Variants in EYS observed in about 807,000 individuals in gnomAD.
EYS encodes EGF-like photoreceptor maintenance factor.
A neutral mutation model predicts 282.1 loss-of-function variants in EYS; 250 were observed. The observed-to-expected ratio is 0.89, with a 90% confidence interval of 0.80 to 0.98. The LOEUF (loss-of-function observed/expected upper bound fraction) is 0.98. Ranked by LOEUF, EYS falls within the 50% of genes least tolerant of loss-of-function variation. The pLI is 0.00. For synonymous variants in EYS, 1,355 were observed against 1,282.9 expected, an observed-to-expected ratio of 1.06 and a Z score of -1.20; for missense variants, 4,016 against 3,709.0, an observed-to-expected ratio of 1.08 and a Z score of -2.15.
intron 31 of EYS, among the ~76,000 whole-genome samples, chr6:64,168,640 C>A (rs535563713): frequency 6.6e-6 from 1 of 152,104 alleles, no homozygotes. Context: ...TAAAACAAGC[C>A]AGATATGAAA....
At chr6:64,453,149 CAA>C (rs1775422993) in intron 26 of EYS, among the ~76,000 whole-genome samples, 1 of 152,058 alleles carries the variant, frequency 6.6e-6, no homozygotes, top group East Asian at 1.9e-4. Flanking sequence ...TGAACTCCAA[CAA>C]ATTTACAAGA....
At chr6:63,935,553 A>C (rs1207363925) in intron 35 of EYS, among the ~76,000 whole-genome samples, 2 of 152,190 alleles carry the variant, frequency 1.3e-5, no homozygotes, top group African/African-American at 4.8e-5. Context: ...GAGGAAGAGG[A>C]AATTTGGGCA....
At chr6:63,833,346 G>A (rs1426907370) in intron 36 of EYS, among the ~76,000 whole-genome samples, 3 of 152,156 alleles carry the variant, frequency 2.0e-5, no homozygotes, top group Non-Finnish European at 4.4e-5. Flanking sequence ...ATCTCCTTAA[G>A]CTGATAAGCA....
intron 8 of EYS, among the ~76,000 whole-genome samples, chr6:65,357,306 C>T (rs1674504595): frequency 6.6e-6 from 1 of 151,890 alleles, no homozygotes; most frequent in South Asian, 2.1e-4. Flanking sequence ...TGATTTTAGT[C>T]TTAAAGTGTT....
At position 64,081,848 on chromosome 6, in the gene EYS, A is replaced by C. The variant is rs1192843762; in HGVS notation, c.6571+8T>G. The stretch of plus-strand genomic sequence containing the variant: ...TGACATACAAGAAGTCAAACATTTA[A>C]TACTCACTGTAAAGAATAGTTCCAT... On this transcript the variant is annotated splice_region_variant and intron_variant, in intron 32 of 42. Transcript: ENST00000503581. The C allele has an allele frequency of 2.7e-6, 4 of 1,499,312 alleles. No individual in the cohort carries two copies. The South Asian group carries it at 5.1e-5, about 19-fold the overall frequency. 92.9% of individuals were successfully genotyped at this position (1,499,312 alleles called of 1,614,324 possible). A position where few individuals can be genotyped will look rare whatever the true frequency, so the allele number is the denominator to read the frequency against.
intron 12 of EYS, among the ~76,000 whole-genome samples, chr6:65,241,083 A>G (rs1767046571): frequency 6.6e-6 from 1 of 152,194 alleles, no homozygotes; most frequent in Non-Finnish European, 1.5e-5. Context: ...TTTACATGGT[A>G]GAAAATGACT....
intron 2 of EYS, among the ~76,000 whole-genome samples, chr6:65,619,485 C>T (rs1766379215): frequency 6.6e-6 from 1 of 152,184 alleles, no homozygotes; most frequent in Non-Finnish European, 1.5e-5. Context: ...GATATACAAT[C>T]ATGTCATCTG....
chr6:65,246,387 C>T (rs773960419), intron 12 of EYS, among the ~76,000 whole-genome samples: 1 of 152,012 alleles, frequency 6.6e-6, no homozygotes. Flanking sequence ...TTGAATAACA[C>T]AAGGAAAGGC....
At chr6:64,110,119 C>A (rs1339053862) in intron 31 of EYS, among the ~76,000 whole-genome samples, 6 of 151,760 alleles carry the variant, frequency 4.0e-5, no homozygotes, top group Admixed American at 3.9e-4. Flanking sequence ...AAGTGCTACA[C>A]GGTATGAACC....
chr6:64,740,921 G>C (rs1343698446), intron 22 of EYS, among the ~76,000 whole-genome samples: 1 of 151,998 alleles, frequency 6.6e-6, no homozygotes, highest in African/African-American at 2.4e-5. Context: ...CACCATGTTA[G>C]CCAGGATGGT....
chr6:64,635,122 T>A (rs1767928821), intron 22 of EYS, among the ~76,000 whole-genome samples: 1 of 152,140 alleles, frequency 6.6e-6, no homozygotes, highest in East Asian at 1.9e-4. Flanking sequence ...TGGCTCTCTG[T>A]TTGTCTGTTA....
At chr6:64,912,780 T>A in intron 15 of EYS, 37 bp from the exon 16 acceptor site, 3 of 1,289,920 alleles carry the variant, frequency 2.3e-6, no homozygotes, top group Non-Finnish European at 3.0e-6. Context: ...AAGTGTGAAC[T>A]CTTTTTCAAG....
At chr6:65,020,350 G>A (rs996555466) in intron 13 of EYS, among the ~76,000 whole-genome samples, 1 of 152,136 alleles carries the variant, frequency 6.6e-6, no homozygotes, top group East Asian at 1.9e-4. Context: ...CATTTCAAAA[G>A]GGAGAAATTA....
intron 22 of EYS, among the ~76,000 whole-genome samples, chr6:64,670,553 C>T (rs1331497371): frequency 6.6e-6 from 1 of 152,104 alleles, no homozygotes; most frequent in Non-Finnish European, 1.5e-5. Context: ...GTTTACACTT[C>T]AAAACATAGA....
At chr6:64,395,549 G>A (rs1337853288) in intron 28 of EYS, among the ~76,000 whole-genome samples, 6 of 150,086 alleles carry the variant, frequency 4.0e-5, no homozygotes, top group African/African-American at 1.5e-4. Context: ...ACCAAACACC[G>A]CATATTCTCA....
In EYS at chr6:64,606,246, C is replaced by T. The variant is rs915202700; in HGVS notation, c.3684+11172G>A. On this transcript the variant is annotated intron_variant, in intron 24 of 42. Transcript: ENST00000503581. ...ACATAACCTCACATCTTTCCATTCACACTCCTTGAAAGTAACTTGCAAGCT... is the reference window on the plus strand; with the variant it reads ...ACATAACCTCACATCTTTCCATTCATACTCCTTGAAAGTAACTTGCAAGCT... Among the ~76,000 whole-genome samples, 86 of 152,088 alleles carry T rather than the reference C, an allele frequency of 5.7e-4. 1 individual carries two copies. Among genetic ancestry groups the T allele is most frequent in the African/African-American group, 1.9e-3 (81 of 41,550 alleles).
intron 30 of EYS, among the ~76,000 whole-genome samples, chr6:64,276,640 A>G (rs1338987353): frequency 6.6e-6 from 1 of 152,182 alleles, no homozygotes; most frequent in Non-Finnish European, 1.5e-5. Context: ...ACATGTAACA[A>G]GGCTTTCAAA....
At chr6:64,548,142 G>A (rs999599665) in intron 26 of EYS, among the ~76,000 whole-genome samples, 4 of 152,194 alleles carry the variant, frequency 2.6e-5, no homozygotes, top group South Asian at 2.1e-4. Flanking sequence ...GGCTCCTCAA[G>A]TGCTGCCAAA....
rs186677648 is a variant in EYS at position 65,401,457 on chromosome 6, G to T, written c.1184+1021C>A. 7.3e-5 allele frequency among the ~76,000 whole-genome samples: 11 copies of T among 150,750 alleles called. No homozygotes were observed. The Admixed American group carries it at 7.3e-4, about 10-fold the overall frequency. ...TTCACTAATCTACTAGCACATTGAG[G>T]CATAGAAATAGAATTGTAAATTAAA... On this transcript the variant is annotated intron_variant, in intron 7 of 42. Transcript: ENST00000503581.
Sources: gnomAD v4.1 joint callset for allele counts (sites outside exome capture counted in the v4.1 genomes callset) on GRCh38, gnomAD v4.1.1 for gene constraint, MANE v1.5 for transcripts, NCBI Gene and HGNC (gene_info 2026-07-23, HGNC 2026-07-21) for gene names.